Variants in CDH23 observed in about 807,000 individuals in gnomAD.
CDH23 encodes the protein cadherin related 23.
Under a neutral mutation model 317.1 loss-of-function variants are expected in CDH23, and 189 were observed. The ratio of observed to expected loss-of-function variants is 0.60; its 90% CI spans 0.53 to 0.67. CDH23 has a LOEUF of 0.67. CDH23 is among the 30% of genes least tolerant of loss of function. The probability of loss-of-function intolerance (pLI) is 0.00; values close to 1 mark genes in which losing one functional copy is unlikely to be tolerated. For missense variants in CDH23, 4,401 were observed against 4,592.4 expected (o/e 0.96, Z 1.20); for synonymous variants, 1,839 against 1,876.8 (o/e 0.98, Z 0.52).
intron 10 of CDH23, among the ~76,000 whole-genome samples, chr10:71,616,618 C>T (rs1203992371): frequency 6.6e-6 from 1 of 152,222 alleles, no homozygotes; most frequent in African/African-American, 2.4e-5. Context: ...TGAAAGGTAT[C>T]TGTTCCTGTG....
rs1865286823 is a variant in CDH23, at chr10:71,694,171, T to C, written c.2201T>C (p.Leu734Pro). ...GGGGAAATCACCACCACGTCTCTGCTTGACCGAGAGACCAAGTCTGAATAC... is the reference window on the plus strand; with the variant it reads ...GGGGAAATCACCACCACGTCTCTGCCTGACCGAGAGACCAAGTCTGAATAC... ...RSGEITTTSL[L>P]DRETKSEYIL... The change falls in exon 21 of 70, where the codon CTT becomes CCT. Residue 734 changes from leucine (L) to proline (P), a missense_variant. By Grantham distance (98) the Leu-to-Pro change is moderately conservative. Around this residue, in one of 3 missense-constraint regions of CDH23, gnomAD observed 3,068 missense variants for 3,203.3 expected, o/e 0.96. Coordinates refer to ENST00000224721, the MANE Select transcript of CDH23 (RefSeq NM_022124.6). 4.3e-6 allele frequency: 7 copies of C among 1,613,568 alleles called. No individual in the cohort carries two copies. Among genetic ancestry groups the C allele is most frequent in the Non-Finnish European group, 5.1e-6 (6 of 1,179,790 alleles).
intron 51 of CDH23, 29 bp downstream of exon 51, chr10:71,799,309 A>G: frequency 6.2e-7 from 1 of 1,613,900 alleles, no homozygotes; most frequent in African/African-American, 1.3e-5. Context: ...GGCTGGGTCC[A>G]GGACCTGCGC....
intron 28 of CDH23, among the ~76,000 whole-genome samples, chr10:71,718,061 C>T (rs539109230): frequency 3.9e-5 from 6 of 152,296 alleles, no homozygotes; most frequent in African/African-American, 1.2e-4. Flanking sequence ...GTCATGATTT[C>T]CCTTTAACCT....
chr10:71,741,863 G>C lies in CDH23; in HGVS notation c.4787G>C (p.Arg1596Pro), dbSNP rs553571175. 1 of 1,610,668 alleles carries C rather than the reference G, an allele frequency of 6.2e-7. No individual in the cohort carries two copies. The highest frequency in any genetic ancestry group is 8.5e-7 in the Non-Finnish European group (1 of 1,178,770). The part of the protein sequence containing the change: ...ATRPAPPDRE[R>P]QSFYHLVATV... ...CGGCCTGCCCCGCCTGACCGCGAGCGCCAGAGCTTCTACCACCTGGTGGCC... is the reference window on the plus strand; with the variant it reads ...CGGCCTGCCCCGCCTGACCGCGAGCCCCAGAGCTTCTACCACCTGGTGGCC... Residue 1596 changes from arginine to proline, a missense_variant, in exon 38 of 70, where the codon CGC becomes CCC. Around this residue, in one of 3 missense-constraint regions of CDH23, gnomAD observed 3,068 missense variants for 3,203.3 expected, o/e 0.96. Coordinates refer to ENST00000224721, the MANE Select transcript of CDH23 (RefSeq NM_022124.6).
At position 71,798,529 on chromosome 10, in the gene CDH23, G is replaced by C; in HGVS notation, c.7005G>C (p.Leu2335=). Residue 2335 remains leucine (L), a synonymous_variant, in exon 50 of 70, where the codon CTG becomes CTC. Coordinates refer to ENST00000224721, the MANE Select transcript of CDH23 (RefSeq NM_022124.6). ...TTAATGGGCTGGTCACCTACACCCT[G>C]CTGGACCTGGTGCCCCCAGGGTATG... is the stretch of plus-strand genomic sequence containing the variant. The part of the protein sequence containing the change: ...KGLNGLVTYT[L]LDLVPPGYVQ... 2 of 1,613,662 alleles carry C rather than the reference G, an allele frequency of 1.2e-6. No homozygotes were observed.
intron 6 of CDH23, among the ~76,000 whole-genome samples, chr10:71,566,497 G>C (rs1203521546): frequency 6.6e-6 from 1 of 151,894 alleles, no homozygotes; most frequent in East Asian, 1.9e-4. Flanking sequence ...CAGAACTCTA[G>C]GTTAAGCAAA....
chr10:71,766,892 A>G (rs540527891), intron 38 of CDH23, among the ~76,000 whole-genome samples: 1 of 152,322 alleles, frequency 6.6e-6, no homozygotes, highest in East Asian at 1.9e-4. Flanking sequence ...AGCTATTTAG[A>G]AAAAATGAAC....
intron 11 of CDH23, among the ~76,000 whole-genome samples, chr10:71,624,754 ATT>A (rs1861633133): frequency 6.6e-6 from 1 of 150,860 alleles, no homozygotes; most frequent in Non-Finnish European, 1.5e-5. Context: ...TATTATTATT[ATT>A]ATTATTATTA....
At chr10:71,427,246 GGAAA>G (rs71307723) in intron 1 of CDH23, among the ~76,000 whole-genome samples, 30 of 17,318 alleles carry the variant, frequency 1.7e-3, no homozygotes, top group African/African-American at 3.9e-3. Context: ...AGAAAGAAAG[GGAAA>G]GAAAGAAAGA....
intron 3 of CDH23, among the ~76,000 whole-genome samples, chr10:71,478,200 C>T (rs1851888755): frequency 6.6e-6 from 1 of 152,210 alleles, no homozygotes. Context: ...CTTTTGCCAA[C>T]AGGATAGAAT....
intron 14 of CDH23, among the ~76,000 whole-genome samples, chr10:71,654,413 A>G (rs1863324253): frequency 6.6e-6 from 1 of 152,246 alleles, no homozygotes; most frequent in Non-Finnish European, 1.5e-5. Flanking sequence ...CAAAGGCTGA[A>G]GTGCTGGGGC....
intron 9 of CDH23, among the ~76,000 whole-genome samples, chr10:71,612,907 G>A (rs972816933): frequency 6.6e-6 from 1 of 152,236 alleles, no homozygotes; most frequent in Non-Finnish European, 1.5e-5. Flanking sequence ...GGAGTGCAGT[G>A]GTGTGATCTC....
intron 1 of CDH23, among the ~76,000 whole-genome samples, chr10:71,434,382 C>G (rs977722255): frequency 6.6e-6 from 1 of 152,226 alleles, no homozygotes; most frequent in African/African-American, 2.4e-5. Flanking sequence ...TGTCCTTAAG[C>G]TCTAGCACAG....
chr10:71,636,544 C>T (rs542045497), intron 11 of CDH23, among the ~76,000 whole-genome samples: 76 of 152,222 alleles, frequency 5.0e-4, no homozygotes, highest in African/African-American at 1.0e-3. Context: ...ATGGGCATTA[C>T]GGGCCTTAGA....
In CDH23 at chr10:71,687,669, C is replaced by T. The variant is rs773533478; in HGVS notation, c.2009C>T (p.Thr670Ile). Reference protein sequence around the residue: ...EVFDENDNPPTFSKPAYFVSV... With the variant: ...EVFDENDNPPIFSKPAYFVSV... ...CAGGATGAGAATGACAACCCTCCCA[C>T]CTTCAGCAAGCCCGCCTACTTCGTC... Residue 670 changes from threonine to isoleucine, a missense_variant, in exon 19 of 70, where the codon ACC becomes ATC. Physicochemically the swap from Thr to Ile is moderately conservative, Grantham distance 89. This residue lies in a region of CDH23 where 3,068 missense variants were observed against 3,203.3 expected (regional missense o/e 0.96). Transcript: ENST00000224721. 2 of 1,613,920 alleles carry T rather than the reference C, an allele frequency of 1.2e-6. No homozygotes were observed. The highest frequency in any genetic ancestry group is 1.7e-6 in the Non-Finnish European group (2 of 1,179,886).
rs1174206523 is a variant in CDH23 at position 71,599,990 on chromosome 10, C to CTTTTT, written c.833-15492_833-15488dup. On this transcript the variant is annotated intron_variant, in intron 9 of 69. Coordinates refer to ENST00000224721, the MANE Select transcript of CDH23 (RefSeq NM_022124.6). The stretch of plus-strand genomic sequence containing the variant: ...CCCATTTACACCTTCAATGTCTTTC[C>CTTTTT]TTTTTTTTTTTTTTTTTTTTTTTTT... 6.4e-5 allele frequency among the ~76,000 whole-genome samples: 7 copies of CTTTTT among 109,542 alleles called. 1 individual carries two copies. The highest frequency in any genetic ancestry group is 1.1e-4 in the African/African-American group (3 of 26,710). 71.9% of individuals were successfully genotyped at this position (109,542 alleles called of 152,430 possible). A position where few individuals can be genotyped will look rare whatever the true frequency, so the allele number is the denominator to read the frequency against.
intron 9 of CDH23, among the ~76,000 whole-genome samples, chr10:71,606,472 A>C (rs1411027965): frequency 6.6e-6 from 1 of 152,184 alleles, no homozygotes; most frequent in African/African-American, 2.4e-5. Context: ...GAGTCACCCC[A>C]GTATCACTCT....
chr10:71,438,167 C>A (rs1274047333), intron 1 of CDH23, among the ~76,000 whole-genome samples: 1 of 151,514 alleles, frequency 6.6e-6, no homozygotes, highest in Non-Finnish European at 1.5e-5. Context: ...ATGGTGAAAC[C>A]CCATCTCTAC....
At chr10:71,627,198 C>T (rs1429360598) in intron 11 of CDH23, among the ~76,000 whole-genome samples, 1 of 152,182 alleles carries the variant, frequency 6.6e-6, no homozygotes, top group Non-Finnish European at 1.5e-5. Flanking sequence ...GGTTGTCTCA[C>T]AGCTTCAGCT....
Sources: gnomAD v4.1 joint callset for allele counts (sites outside exome capture counted in the v4.1 genomes callset) on GRCh38, gnomAD v4.1.1 for gene constraint, gnomAD v4.1.1 regional missense constraint, MANE v1.5 for transcripts, NCBI Gene and HGNC (gene_info 2026-07-23, HGNC 2026-07-21) for gene names.